Variants in NETO1 observed in about 807,000 individuals in gnomAD.
NETO1 encodes the protein neuropilin and tolloid like 1.
In NETO1, 26 loss-of-function variants were observed where a neutral mutation model predicts 61.3. The ratio of observed to expected loss-of-function variants is 0.42; its 90% CI spans 0.31 to 0.59. The LOEUF is 0.59. Among genes scored for constraint, NETO1 ranks in the 20% least tolerant of loss-of-function variants. The probability of loss-of-function intolerance (pLI) is 0.12; values close to 1 mark genes in which losing one functional copy is unlikely to be tolerated. For missense variants in NETO1, 531 were observed against 662.8 expected (o/e 0.80, Z 2.18); for synonymous variants, 225 against 225.8 (o/e 1.00, Z 0.03).
chr18:72,854,693 T>TA (rs1403396099), intron 4 of NETO1, among the ~76,000 whole-genome samples: 2 of 152,176 alleles, frequency 1.3e-5, no homozygotes, highest in South Asian at 2.1e-4. Flanking sequence ...TTAGTTTGAG[T>TA]AAAAAAGTCT....
intron 4 of NETO1, chr18:72,834,917 CAT>C (rs1166926136): frequency 2.6e-6 from 2 of 759,074 alleles, no homozygotes; most frequent in Non-Finnish European, 3.2e-6. Context: ...CTTTTAATAT[CAT>C]ATATAAAATA....
At position 72,867,481 on chromosome 18, in the gene NETO1, G is replaced by A. The variant is rs911482339; in HGVS notation, c.-190C>T. 3.7e-4 allele frequency: 151 copies of A among 403,496 alleles called. No homozygotes were observed. Among genetic ancestry groups the A allele is most frequent in the Middle Eastern group, 5.9e-4 (1 of 1,704 alleles). 25.0% of individuals were successfully genotyped at this position (403,496 alleles called of 1,614,324 possible). On this transcript the variant is annotated 5_prime_UTR_variant, in exon 1 of 11. Transcript: ENST00000327305. ...GCCCACGCTGCAGCCAGATCCGGATGAGTCCGTCCTCCGCCCCGGGCGGGC... is the reference window on the plus strand; with the variant it reads ...GCCCACGCTGCAGCCAGATCCGGATAAGTCCGTCCTCCGCCCCGGGCGGGC...
intron 4 of NETO1, among the ~76,000 whole-genome samples, chr18:72,795,941 C>T (rs951863973): frequency 1.3e-5 from 2 of 152,146 alleles, no homozygotes; most frequent in Non-Finnish European, 2.9e-5. Context: ...GTTTCTTTGA[C>T]TTATGAGTGG....
chr18:72,811,668 G>A (rs995541516), intron 4 of NETO1, among the ~76,000 whole-genome samples: 21 of 152,114 alleles, frequency 1.4e-4, no homozygotes, highest in Admixed American at 1.3e-3. Flanking sequence ...AGCCGGGTGT[G>A]GTGGCATGTG....
At chr18:72,819,822 A>G (rs917636756) in intron 4 of NETO1, among the ~76,000 whole-genome samples, 4 of 152,182 alleles carry the variant, frequency 2.6e-5, no homozygotes, top group African/African-American at 9.6e-5. Context: ...TATACTTTTT[A>G]AATGCATAAA....
intron 1 of NETO1, among the ~76,000 whole-genome samples, chr18:72,866,575 T>C (rs1239030875): frequency 2.6e-5 from 4 of 152,186 alleles, no homozygotes; most frequent in African/African-American, 4.8e-5. Flanking sequence ...TGTGTTTAAC[T>C]CAGCAGCAAA....
chr18:72,847,495 C>T (rs1599145898), intron 4 of NETO1, among the ~76,000 whole-genome samples: 1 of 152,190 alleles, frequency 6.6e-6, no homozygotes, highest in African/African-American at 2.4e-5. Context: ...TTAAAGAGTG[C>T]CAGGTTCTAC....
intron 4 of NETO1, among the ~76,000 whole-genome samples, chr18:72,821,397 A>C (rs2073192624): frequency 7.3e-6 from 1 of 137,098 alleles, no homozygotes; most frequent in Non-Finnish European, 1.6e-5. Flanking sequence ...AACAAACAAA[A>C]AAGAAACAAG....
At chr18:72,774,926 C>T (rs776250700) in intron 7 of NETO1, among the ~76,000 whole-genome samples, 1 of 152,142 alleles carries the variant, frequency 6.6e-6, no homozygotes, top group Middle Eastern at 3.2e-3. Context: ...GAAGAGAGTT[C>T]TCTTTAGGTG....
Position 72,750,185 on chromosome 18 carries a change from C to A in NETO1, c.1418G>T (p.Arg473Ile), listed in dbSNP as rs772104061. 3 of 1,614,016 alleles carry A rather than the reference C, an allele frequency of 1.9e-6. No homozygotes were observed. Among genetic ancestry groups the A allele is most frequent in the South Asian group, 1.1e-5 (1 of 91,074 alleles). ...GKPLIPPMNR[R>I]NILVMKHSYS... ...GCTGTGTTTCATGACAAGGATATTTCTTCTGTTCATGGGTGGGATGAGGGG... is the reference window on the plus strand; with the variant it reads ...GCTGTGTTTCATGACAAGGATATTTATTCTGTTCATGGGTGGGATGAGGGG... Residue 473 changes from arginine to isoleucine, a missense_variant, in exon 9 of 11, where the codon AGA becomes ATA. Arg to Ile is a moderately conservative substitution (Grantham distance 97). Transcript: ENST00000327305.
intron 3 of NETO1, among the ~76,000 whole-genome samples, chr18:72,862,612 C>CTTTTTTTCTT (rs2074607203): frequency 9.4e-6 from 1 of 106,900 alleles, no homozygotes; most frequent in African/African-American, 2.8e-5. Flanking sequence ...ACTCATGATC[C>CTTTTTTTCTT]TTTTTTTTTC....
At chr18:72,812,666 C>T (rs1488588833) in intron 4 of NETO1, among the ~76,000 whole-genome samples, 2 of 152,082 alleles carry the variant, frequency 1.3e-5, no homozygotes, top group Admixed American at 1.3e-4. Flanking sequence ...CCTAGTCCTC[C>T]TAATTTCAGT....
At chr18:72,817,497 G>A (rs1480234026) in intron 4 of NETO1, among the ~76,000 whole-genome samples, 2 of 152,198 alleles carry the variant, frequency 1.3e-5, no homozygotes, top group Non-Finnish European at 2.9e-5. Context: ...GCCACTAAAT[G>A]TTAGAGATTT....
intron 4 of NETO1, among the ~76,000 whole-genome samples, chr18:72,856,044 T>G (rs1007885210): frequency 2.6e-5 from 4 of 152,210 alleles, no homozygotes; most frequent in African/African-American, 9.6e-5. Context: ...TGTATACATA[T>G]GTATAAATAT....
intron 4 of NETO1, among the ~76,000 whole-genome samples, chr18:72,845,319 C>T (rs1279803096): frequency 6.6e-6 from 1 of 152,164 alleles, no homozygotes; most frequent in South Asian, 2.1e-4. Context: ...TGCTGCTTCT[C>T]AAAGTCATAG....
chr18:72,787,431 G>C (rs950525637), intron 6 of NETO1, among the ~76,000 whole-genome samples: 8 of 151,816 alleles, frequency 5.3e-5, no homozygotes, highest in Admixed American at 5.2e-4. Context: ...ATAATTGTTT[G>C]GCTAATACAA....
At position 72,830,262 on chromosome 18, in the gene NETO1, G is replaced by A. The variant is rs1431986335; in HGVS notation, c.469+28564C>T. Among the ~76,000 whole-genome samples, 8 of 152,138 alleles carry A rather than the reference G, an allele frequency of 5.3e-5. No individual in the cohort carries two copies. Among genetic ancestry groups the A allele is most frequent in the Admixed American group, 3.9e-4 (6 of 15,278 alleles). ...CAGTGCTATCTTGGTGCCGGCTTGC[G>A]AGAGTAGGCATGGTGCTAACAAAAT... On this transcript the variant is annotated intron_variant, in intron 4 of 10. Coordinates refer to ENST00000327305, the MANE Select transcript of NETO1 (RefSeq NM_138966.5). This position sits in a 1 kb window ranked among gnomAD's most constrained non-coding sequence, Gnocchi z 4.9.
intron 7 of NETO1, among the ~76,000 whole-genome samples, chr18:72,756,960 A>G (rs775344989): frequency 2.0e-5 from 3 of 152,152 alleles, no homozygotes; most frequent in Non-Finnish European, 4.4e-5. Context: ...GAGTGACAGA[A>G]TATTTTAAGT....
At chr18:72,743,148 G>T (rs2070368015), downstream of NETO1, among the ~76,000 whole-genome samples, 1 of 152,100 alleles carries the variant, frequency 6.6e-6, no homozygotes, top group African/African-American at 2.4e-5. Context: ...AATTCCTTTG[G>T]ATAGTATTCC....
Sources: gnomAD v4.1 joint callset for allele counts (sites outside exome capture counted in the v4.1 genomes callset) on GRCh38, gnomAD v4.1.1 for gene constraint, Gnocchi (gnomAD v3.1) non-coding constraint, MANE v1.5 for transcripts, NCBI Gene and HGNC (gene_info 2026-07-23, HGNC 2026-07-21) for gene names.